TMEM62: variants seen among roughly 807,000 people sequenced by gnomAD.
The protein encoded by TMEM62 is transmembrane protein 62.
Under a neutral mutation model 70.4 loss-of-function variants are expected in TMEM62, and 41 were observed. The observed-to-expected ratio is 0.58, with a 90% CI of 0.45 to 0.76. The LOEUF (loss-of-function observed/expected upper bound fraction) is 0.76, where lower values mean the gene tolerates loss of function less well. TMEM62 is among the 30% of genes least tolerant of loss of function. The pLI, the probability that TMEM62 is intolerant of heterozygous loss-of-function variation, is 0.00. For synonymous variants in TMEM62, 268 were observed against 291.0 expected (o/e 0.92, Z 0.80); for missense variants, 688 against 788.5 (o/e 0.87, Z 1.53).
intron 13 of TMEM62, among the ~76,000 whole-genome samples, chr15:43,183,071 C>T (rs528562732): frequency 2.6e-5 from 4 of 152,226 alleles, no homozygotes; most frequent in African/African-American, 7.2e-5. Context: ...ACCTGTTCCT[C>T]TCTGTTTTTC....
intron 10 of TMEM62, 29 bp from the exon 11 acceptor site, chr15:43,169,564 A>G (rs751783001): frequency 1.9e-6 from 3 of 1,592,716 alleles, no homozygotes; most frequent in Admixed American, 1.7e-5. Flanking sequence ...CCATGTATCT[A>G]TTTCACGTTA....
intron 11 of TMEM62, among the ~76,000 whole-genome samples, chr15:43,170,540 A>C (rs540269488): frequency 1.3e-5 from 2 of 152,168 alleles, no homozygotes; most frequent in East Asian, 3.9e-4. Context: ...CTGTAAACAA[A>C]AACCTTTCAA....
At chr15:43,140,051 T>C (rs893303594) in intron 4 of TMEM62, among the ~76,000 whole-genome samples, 2 of 152,146 alleles carry the variant, frequency 1.3e-5, no homozygotes, top group African/African-American at 4.8e-5. Flanking sequence ...GGCTGACTAT[T>C]GCTAGAGGTC....
chr15:43,182,899 G>C (rs2041490879), intron 13 of TMEM62, among the ~76,000 whole-genome samples: 1 of 152,124 alleles, frequency 6.6e-6, no homozygotes, highest in Non-Finnish European at 1.5e-5. Flanking sequence ...ACTAATAATG[G>C]ATTTTATGTA....
chr15:43,134,353 C>A lies in TMEM62; in HGVS notation c.277C>A (p.Leu93Ile). Residue 93 changes from leucine to isoleucine, a missense_variant, in exon 2 of 14, where the codon CTC becomes ATC. Coordinates refer to ENST00000260403, the MANE Select transcript of TMEM62 (RefSeq NM_024956.4). ...SETIDIIQPALVLATGDLTDA... is the reference protein window; with the variant it reads ...SETIDIIQPAIVLATGDLTDA... Reference sequence around the variant, plus strand: ...AACTATTGACATCATTCAACCAGCTCTCGTCCTAGCAACAGGTAGGGAGGC... The same window carrying A: ...AACTATTGACATCATTCAACCAGCTATCGTCCTAGCAACAGGTAGGGAGGC... 1.2e-6 allele frequency: 2 copies of A among 1,613,792 alleles called. No individual in the cohort carries two copies. Among genetic ancestry groups the A allele is most frequent in the Non-Finnish European group, 1.7e-6 (2 of 1,179,772 alleles).
chr15:43,167,195 C>G (rs1367194985), intron 10 of TMEM62, among the ~76,000 whole-genome samples: 1 of 149,540 alleles, frequency 6.7e-6, no homozygotes, highest in Non-Finnish European at 1.5e-5. Context: ...CCGGACGGGT[C>G]GGCTGGCCGG....
At chr15:43,165,591 G>A (rs868470965) in intron 10 of TMEM62, among the ~76,000 whole-genome samples, 10 of 151,956 alleles carry the variant, frequency 6.6e-5, no homozygotes, top group Admixed American at 2.0e-4. Context: ...AAATTAGCCC[G>A]GTGTGGTGGC....
At chr15:43,183,965 T>A in intron 13 of TMEM62, 1 of 401,606 alleles carries the variant, frequency 2.5e-6, no homozygotes. Flanking sequence ...ATACATTTAC[T>A]CAGTTCAATT....
At chr15:43,181,868 T>C (rs2041363617) in intron 13 of TMEM62, among the ~76,000 whole-genome samples, 1 of 152,232 alleles carries the variant, frequency 6.6e-6, no homozygotes, top group South Asian at 2.1e-4. Context: ...TTTGTTTCAC[T>C]GTGCTTTTTC....
chr15:43,181,707 G>A (rs1340820021), intron 13 of TMEM62, among the ~76,000 whole-genome samples: 2 of 152,072 alleles, frequency 1.3e-5, no homozygotes, highest in Non-Finnish European at 2.9e-5. Flanking sequence ...TCACCATGTT[G>A]GCCAGGCTGG....
intron 3 of TMEM62, 68 bp downstream of exon 3, chr15:43,135,717 C>T (rs921801755): frequency 6.7e-6 from 10 of 1,487,804 alleles, no homozygotes; most frequent in East Asian, 2.3e-5. Context: ...CTAGATTTTC[C>T]AACTTAGATT....
chr15:43,134,767 A>G (rs1282668027), intron 2 of TMEM62, among the ~76,000 whole-genome samples: 3 of 152,106 alleles, frequency 2.0e-5, no homozygotes, highest in Non-Finnish European at 4.4e-5. Context: ...TACATTATTA[A>G]TCTTATATTT....
rs555897464 is a variant in TMEM62, at chr15:43,178,319, T to A, written c.1382-288T>A. Among the ~76,000 whole-genome samples the A allele has an allele frequency of 1.8e-4, 27 of 152,144 alleles. No individual in the cohort carries two copies. The South Asian group carries it at 1.9e-3, about 11-fold the overall frequency. The stretch of plus-strand genomic sequence containing the variant: ...CATATATGTGCATATATATATGAGT[T>A]CGATATATTGTGATATATATAACAA... On this transcript the variant is annotated intron_variant, in intron 11 of 13. Transcript: ENST00000260403.
At chr15:43,138,062 T>G (rs2035480093) in intron 3 of TMEM62, among the ~76,000 whole-genome samples, 2 of 152,208 alleles carry the variant, frequency 1.3e-5, no homozygotes, top group Non-Finnish European at 2.9e-5. Flanking sequence ...TGAAGGCCCC[T>G]GGCTTAGCCT....
chr15:43,183,306 T>TA (rs1213296005), intron 13 of TMEM62, among the ~76,000 whole-genome samples: 1 of 152,226 alleles, frequency 6.6e-6, no homozygotes, highest in East Asian at 1.9e-4. Context: ...CTTGCCTCCT[T>TA]ACTCTCAGCT....
At chr15:43,147,300 T>G (rs1379020206) in intron 5 of TMEM62, among the ~76,000 whole-genome samples, 1 of 152,216 alleles carries the variant, frequency 6.6e-6, no homozygotes, top group African/African-American at 2.4e-5. Flanking sequence ...GGATGACTAT[T>G]GAAATCAATA....
chr15:43,157,803 G>A (rs767899842), intron 9 of TMEM62, among the ~76,000 whole-genome samples: 11 of 151,978 alleles, frequency 7.2e-5, no homozygotes, highest in African/African-American at 1.2e-4. Flanking sequence ...CCGTAATATC[G>A]AACTACCCAT....
At chr15:43,161,924 A>G (rs2038753831) in intron 10 of TMEM62, among the ~76,000 whole-genome samples, 1 of 151,802 alleles carries the variant, frequency 6.6e-6, no homozygotes, top group African/African-American at 2.4e-5. Flanking sequence ...AGCCTCCCAA[A>G]GTGCTGGGAT....
chr15:43,150,709 A>G (rs1057090316), intron 7 of TMEM62, among the ~76,000 whole-genome samples: 1 of 152,152 alleles, frequency 6.6e-6, no homozygotes, highest in Non-Finnish European at 1.5e-5. Context: ...TAAAATTCCT[A>G]TTTCGACATG....
Sources: allele counts gnomAD v4.1 joint callset (sites outside exome capture counted in the v4.1 genomes callset), GRCh38; gene constraint gnomAD v4.1.1; transcripts MANE v1.5; gene names NCBI Gene and HGNC (gene_info 2026-07-23, HGNC 2026-07-21).